HECTD2: variants seen among roughly 807,000 people sequenced by gnomAD.
HECTD2 encodes HECT domain E3 ubiquitin protein ligase 2.
HECTD2 carries 35 observed loss-of-function variants against 103.2 expected under a neutral mutation model. The observed-to-expected ratio is 0.34, with a 90% CI of 0.26 to 0.45. The LOEUF is 0.45. Among genes scored for constraint, HECTD2 ranks in the 20% least tolerant of loss-of-function variants. HECTD2 has a pLI of 1.00. For missense variants in HECTD2, 596 were observed against 937.4 expected, an observed-to-expected ratio of 0.64 and a Z score of 4.76; for synonymous variants, 281 against 329.9, an observed-to-expected ratio of 0.85 and a Z score of 1.61.
chr10:91,423,955 C>T (rs748755442), intron 1 of HECTD2, among the ~76,000 whole-genome samples: 12 of 152,104 alleles, frequency 7.9e-5, no homozygotes, highest in Non-Finnish European at 2.9e-5. Flanking sequence ...GAAAAAGCTT[C>T]AGAAACAAGT....
chr10:91,463,237 T>C (rs1338091786), intron 5 of HECTD2: 1 of 152,132 alleles, frequency 6.6e-6, no homozygotes, highest in African/African-American at 2.4e-5. Context: ...TATACTATAT[T>C]GTTACAATAA....
chr10:91,467,198 G>A lies in HECTD2; in HGVS notation c.600+5014G>A, dbSNP rs139365240. Among the ~76,000 whole-genome samples the A allele has an allele frequency of 3.4e-3, 523 of 152,246 alleles. 3 individuals carry two copies. The highest frequency in any genetic ancestry group is 7.0e-3 in the South Asian group (34 of 4,826). ...CAGCCTGCTCTTGCCACGGGCCTCC[G>A]GAATCCTGGCAACAGGAGATTCCAT... On this transcript the variant is annotated intron_variant, in intron 5 of 20. Coordinates refer to ENST00000298068, the MANE Select transcript of HECTD2 (RefSeq NM_182765.6).
intron 1 of HECTD2, among the ~76,000 whole-genome samples, chr10:91,423,318 G>T (rs920770836): frequency 2.0e-5 from 3 of 151,998 alleles, no homozygotes; most frequent in Admixed American, 2.0e-4. Flanking sequence ...TATAAAATGG[G>T]GTGTAAATAC....
chr10:91,474,023 G>T lies in HECTD2; in HGVS notation c.601-4178G>T, dbSNP rs768064086. Among the ~76,000 whole-genome samples, 73 of 152,246 alleles carry T rather than the reference G, an allele frequency of 4.8e-4. 1 individual carries two copies. The highest frequency in any genetic ancestry group is 9.7e-4 in the Non-Finnish European group (66 of 67,996). ...TGTAATTAAGAAGAAAAAGCCAAAA[G>T]ATGGGAGAATAACAACACATAAGTA... On this transcript the variant is annotated intron_variant, in intron 5 of 20. Transcript: ENST00000298068.
chr10:91,420,894 C>G (rs1843332441), intron 1 of HECTD2, among the ~76,000 whole-genome samples: 1 of 152,170 alleles, frequency 6.6e-6, no homozygotes, highest in African/African-American at 2.4e-5. Flanking sequence ...TACCTCAGCT[C>G]TAGTCCACAG....
chr10:91,425,401 A>T lies in HECTD2; in HGVS notation c.259A>T (p.Ile87Phe). The stretch of plus-strand genomic sequence containing the variant: ...ACCTGCACATCTTGTTTTCCCTAAC[A>T]TCAAGAATGGTAAATAATTTTTAAA... ...SSPAHLVFPN[I>F]KNVREPPPIC... Residue 87 changes from isoleucine (I) to phenylalanine (F), a missense_variant, in exon 2 of 21, where the codon ATC becomes TTC. By Grantham distance (21) the Ile-to-Phe change is conservative. This residue lies in a region of HECTD2 where 220 missense variants were observed against 233.9 expected (regional missense o/e 0.94). Transcript: ENST00000298068. 1 of 1,542,716 alleles carries T rather than the reference A, an allele frequency of 6.5e-7. No homozygotes were observed. Among genetic ancestry groups the T allele is most frequent in the Non-Finnish European group, 8.8e-7 (1 of 1,141,976 alleles).
intron 2 of HECTD2, among the ~76,000 whole-genome samples, chr10:91,443,675 CACAA>C (rs1453072723): frequency 6.6e-6 from 1 of 152,108 alleles, no homozygotes; most frequent in South Asian, 2.1e-4. Context: ...GCTGAAGCTG[CACAA>C]ACAGTCGCCC....
chr10:91,494,656 G>T (rs1484156856), intron 14 of HECTD2, among the ~76,000 whole-genome samples: 1 of 152,036 alleles, frequency 6.6e-6, no homozygotes, highest in Non-Finnish European at 1.5e-5. Flanking sequence ...GTGTCTAAAG[G>T]TCCAAAGTGC....
chr10:91,422,102 C>T (rs1429507786), intron 1 of HECTD2, among the ~76,000 whole-genome samples: 1 of 152,068 alleles, frequency 6.6e-6, no homozygotes, highest in Non-Finnish European at 1.5e-5. Context: ...CAGATATGAT[C>T]ATGTCATATC....
At position 91,512,735 on chromosome 10, in the gene HECTD2, G is replaced by A; in HGVS notation, c.*351G>A. 4.8e-6 allele frequency: 1 copy of A among 208,566 alleles called. No homozygotes were observed. Among genetic ancestry groups the A allele is most frequent in the East Asian group, 1.0e-4 (1 of 9,698 alleles). 12.9% of individuals were successfully genotyped at this position (208,566 alleles called of 1,614,324 possible). ...ATTTATGGTATAGTTGAACCCAGTG[G>A]CAGATTGTACACTGCTAGCACTGCT... On this transcript the variant is annotated 3_prime_UTR_variant, in exon 21 of 21. Transcript: ENST00000298068.
intron 15 of HECTD2, among the ~76,000 whole-genome samples, chr10:91,497,114 C>T (rs943445719): frequency 1.4e-4 from 21 of 147,886 alleles, no homozygotes; most frequent in East Asian, 2.0e-4. Context: ...CATGTGCCAC[C>T]GTGCCCGGCA....
At position 91,514,716 on chromosome 10, in the gene HECTD2, A is replaced by C. The variant is rs1336211491; in HGVS notation, c.*2332A>C. On this transcript the variant is annotated 3_prime_UTR_variant, in exon 21 of 21. Transcript: ENST00000298068. The stretch of plus-strand genomic sequence containing the variant: ...TTTTTGTACAAATCTGTATTGTATT[A>C]ATTTCTGGATGCAATTTTTCAAATA... 2 of 152,578 alleles carry C rather than the reference A, an allele frequency of 1.3e-5. No individual in the cohort carries two copies. The highest frequency in any genetic ancestry group is 4.8e-5 in the African/African-American group (2 of 41,438). 9.5% of individuals were successfully genotyped at this position (152,578 alleles called of 1,614,324 possible). A position where few individuals can be genotyped will look rare whatever the true frequency, so the allele number is the denominator to read the frequency against.
At chr10:91,474,224 A>G (rs1262893214) in intron 5 of HECTD2, among the ~76,000 whole-genome samples, 3 of 152,198 alleles carry the variant, frequency 2.0e-5, no homozygotes, top group Admixed American at 6.5e-5. Context: ...AAGAAGCATT[A>G]AAAAGTGAGT....
At chr10:91,465,766 A>G (rs1299125145) in intron 5 of HECTD2, among the ~76,000 whole-genome samples, 5 of 152,180 alleles carry the variant, frequency 3.3e-5, no homozygotes, top group Non-Finnish European at 7.4e-5. Flanking sequence ...CCAGACTTGC[A>G]TAACCTGAAA....
rs78820827 is a variant in HECTD2, at chr10:91,494,436, C to T, written c.1521+928C>T. 5.6e-3 allele frequency among the ~76,000 whole-genome samples: 847 copies of T among 152,072 alleles called. 13 individuals carry two copies. The highest frequency in any genetic ancestry group is 0.019 in the African/African-American group (790 of 41,532). Reference sequence around the variant, plus strand: ...AAATTGTGCTGGGCTTGGTAGAGAGCAGCAGCAAGCGCACTGAAAGTTATG... The same window carrying T: ...AAATTGTGCTGGGCTTGGTAGAGAGTAGCAGCAAGCGCACTGAAAGTTATG... On this transcript the variant is annotated intron_variant, in intron 14 of 20. Coordinates refer to ENST00000298068, the MANE Select transcript of HECTD2 (RefSeq NM_182765.6).
At chr10:91,478,175 AC>A in intron 5 of HECTD2, 25 bp from the exon 6 acceptor site, 2 of 1,514,506 alleles carry the variant, frequency 1.3e-6, no homozygotes, top group South Asian at 2.3e-5. Context: ...AATCCTAATT[AC>A]CTTACTGTTT....
At chr10:91,420,413 A>C (rs951482757) in intron 1 of HECTD2, among the ~76,000 whole-genome samples, 38 of 148,762 alleles carry the variant, frequency 2.6e-4, no homozygotes, top group Non-Finnish European at 5.5e-4. Context: ...GTGAAACCCC[A>C]TCTCTACTAA....
At chr10:91,491,617 G>A (rs2133316987) in intron 12 of HECTD2, among the ~76,000 whole-genome samples, 1 of 152,184 alleles carries the variant, frequency 6.6e-6, no homozygotes, top group Admixed American at 6.5e-5. Context: ...CTAGATTCCA[G>A]ACCCACCTTT....
intron 6 of HECTD2, among the ~76,000 whole-genome samples, chr10:91,480,570 C>T (rs571269847): frequency 6.6e-6 from 1 of 152,072 alleles, no homozygotes; most frequent in East Asian, 1.9e-4. Flanking sequence ...AAGCTCTTGG[C>T]CAAATCTCAT....
Sources: allele counts gnomAD v4.1 joint callset (sites outside exome capture counted in the v4.1 genomes callset), GRCh38; gene constraint gnomAD v4.1.1; regional missense constraint gnomAD v4.1.1; transcripts MANE v1.5; gene names NCBI Gene and HGNC (gene_info 2026-07-23, HGNC 2026-07-21).